The following UMOD variants were observed in gnomAD, a reference collection of about 807,000 sequenced individuals.
UMOD encodes uromodulin, also known as Tamm-Horsfall urinary glycoprotein.
A neutral mutation model predicts 66.0 loss-of-function variants in UMOD; 64 were observed. The observed-to-expected ratio is 0.97, with a 90% CI of 0.79 to 1.19. The LOEUF (loss-of-function observed/expected upper bound fraction) is 1.19, where lower values mean the gene tolerates loss of function less well. UMOD is among the 50% of genes most tolerant of loss of function. The probability of loss-of-function intolerance (pLI) is 0.00; values close to 1 mark genes in which losing one functional copy is unlikely to be tolerated. For missense variants in UMOD, 764 were observed against 850.9 expected, an observed-to-expected ratio of 0.90 and a Z score of 1.27; for synonymous variants, 398 against 352.7, an observed-to-expected ratio of 1.13 and a Z score of -1.44.
At chr16:20,344,195 A>AGGGGAGGGGGGGGGGG in intron 5 of UMOD, 23 bp from the exon 6 acceptor site, 6 of 562,478 alleles carry the variant, frequency 1.1e-5, no homozygotes, top group Non-Finnish European at 1.4e-5. Flanking sequence ...ATGGGGGTGG[A>AGGGGAGGGGGGGGGGG]GGGGGGGTGG....
Position 20,337,395 on chromosome 16 carries a change from C to T in UMOD, c.1636G>A (p.Gly546Ser), listed in dbSNP as rs768984023. The T allele has an allele frequency of 1.7e-5, 27 of 1,614,034 alleles. No homozygotes were observed. Among genetic ancestry groups the T allele is most frequent in the East Asian group, 2.2e-5 (1 of 44,884 alleles). ...CGGAACATCTGGACGGAAAATCGGC[C>T]CTGGGAGGACTCCCCATTCTCCACC... is the stretch of plus-strand genomic sequence containing the variant. Reference protein sequence around the residue: ...QVVENGESSQGRFSVQMFRFA... With the variant: ...QVVENGESSQSRFSVQMFRFA... The change falls in exon 8 of 11, where the codon GGC (glycine) becomes AGC (serine). Residue 546 changes from glycine to serine, a missense_variant. By Grantham distance (56) the Gly-to-Ser change is moderately conservative. Transcript: ENST00000396138.
chr16:20,349,270 A>G lies in UMOD; in HGVS notation c.89-58T>C, dbSNP rs562131373. 6.4e-6 allele frequency: 10 copies of G among 1,567,288 alleles called. No homozygotes were observed. The South Asian group carries it at 6.9e-5, about 11-fold the overall frequency. ...GGCAGCTGGGCCCATGGCCACCCAG[A>G]GATCCTTCCCTCATTCTCCAGGGAA... On this transcript the variant is annotated intron_variant, in intron 2 of 10. Transcript: ENST00000396138.
At chr16:20,349,772 TC>T (rs1469951512) in intron 2 of UMOD, 1 of 1,307,152 alleles carries the variant, frequency 7.7e-7, no homozygotes, top group East Asian at 2.5e-5. Context: ...GTTTTCTGCT[TC>T]CCTGGCTGGT....
chr16:20,355,587 GT>G (rs11342813), upstream of UMOD, among the ~76,000 whole-genome samples: 15,001 of 150,980 alleles, frequency 0.099, 1,716 homozygotes, highest in African/African-American at 0.28. Flanking sequence ...GCTAATTTGT[GT>G]TTTTTTTGTA....
In UMOD at chr16:20,346,868, T is replaced by TA. The variant is rs913473095; in HGVS notation, c.974-535dup. Among the ~76,000 whole-genome samples, 9 of 135,402 alleles carry TA rather than the reference T, an allele frequency of 6.6e-5. No homozygotes were observed. In the East Asian group the frequency reaches 1.9e-3, roughly 28 times the overall value. The allele number at this position is 135,402 out of a possible 152,430, so 88.8% of individuals were successfully genotyped here. Reference sequence around the variant, plus strand: ...ATGTACCCTAGAACGTGAAGTATAATAAAAAAAAGAAAGAGAGAAAGAAAG... The same window carrying TA: ...ATGTACCCTAGAACGTGAAGTATAATAAAAAAAAAGAAAGAGAGAAAGAAAG... On this transcript the variant is annotated intron_variant, in intron 4 of 10. Coordinates refer to ENST00000396138, the MANE Select transcript of UMOD (RefSeq NM_003361.4).
chr16:20,354,984 G>A (rs1379579652), upstream of UMOD, among the ~76,000 whole-genome samples: 9 of 152,142 alleles, frequency 5.9e-5, no homozygotes, highest in Non-Finnish European at 1.3e-4. Context: ...AACTCCTATG[G>A]CCCAGAGGTC....
chr16:20,350,475 A>T (rs184796386), intron 2 of UMOD, among the ~76,000 whole-genome samples, 175 bp downstream of exon 2: 30 of 152,336 alleles, frequency 2.0e-4, no homozygotes, highest in Non-Finnish European at 2.9e-4. Context: ...AAAATTTCTA[A>T]GTCAGTCCTG....
chr16:20,336,630 C>A lies in UMOD; in HGVS notation c.1822+16G>T, dbSNP rs540738762. ...TTTCCCAGCCAGGAATGTTGAGGAGCGAGTGGCTCTCTTACCTTTCCGTGT... is the reference window on the plus strand; with the variant it reads ...TTTCCCAGCCAGGAATGTTGAGGAGAGAGTGGCTCTCTTACCTTTCCGTGT... On this transcript the variant is annotated intron_variant, in intron 9 of 10. Transcript: ENST00000396138. 1.9e-4 allele frequency: 308 copies of A among 1,611,516 alleles called. 2 individuals are homozygous for A. In the South Asian group the frequency reaches 3.2e-3, roughly 17 times the overall value.
At chr16:20,335,612 C>T (rs568392693) in intron 9 of UMOD, 92 bp from the exon 10 acceptor site, 19 of 1,294,554 alleles carry the variant, frequency 1.5e-5, no homozygotes, top group Admixed American at 1.2e-4. Flanking sequence ...CTTTTCACTT[C>T]GCAGCCAGAC....
intron 4 of UMOD, among the ~76,000 whole-genome samples, 179 bp downstream of exon 4, chr16:20,348,044 C>G (rs1309447155): frequency 6.6e-6 from 1 of 152,216 alleles, no homozygotes; most frequent in Non-Finnish European, 1.5e-5. Context: ...ACTCAGGGAG[C>G]CTCAGAGAGC....
At chr16:20,356,024 G>C (rs1966024495), upstream of UMOD, among the ~76,000 whole-genome samples, 1 of 152,164 alleles carries the variant, frequency 6.6e-6, no homozygotes, top group Admixed American at 6.5e-5. Flanking sequence ...AAGGATAAGT[G>C]GTTTTAGGTA....
At position 20,337,388 on chromosome 16, in the gene UMOD, A is replaced by T; in HGVS notation, c.1643T>A (p.Phe548Tyr). Residue 548 changes from phenylalanine (F) to tyrosine (Y), a missense_variant, in exon 8 of 11, where the codon TTT (phenylalanine) becomes TAT (tyrosine). Coordinates refer to ENST00000396138, the MANE Select transcript of UMOD (RefSeq NM_003361.4). ...AGCAAACCGGAACATCTGGACGGAA[A>T]ATCGGCCCTGGGAGGACTCCCCATT... ...VENGESSQGR[F>Y]SVQMFRFAGN... The T allele has an allele frequency of 6.2e-7, 1 of 1,614,206 alleles. No homozygotes were observed. Among genetic ancestry groups the T allele is most frequent in the Non-Finnish European group, 8.5e-7 (1 of 1,180,034 alleles).
chr16:20,350,781 C>T lies in UMOD; in HGVS notation c.-44G>A. 2 of 1,613,630 alleles carry T rather than the reference C, an allele frequency of 1.2e-6. No individual in the cohort carries two copies. Among genetic ancestry groups the T allele is most frequent in the Non-Finnish European group, 1.7e-6 (2 of 1,179,774 alleles). ...TACTTCAGGTCTAGATAGCACCTGC[C>T]CAAAGGAAAGACGGGTTGGCCCTTT... On this transcript the variant is annotated 5_prime_UTR_variant, in exon 2 of 11. Coordinates refer to ENST00000396138, the MANE Select transcript of UMOD (RefSeq NM_003361.4).
chr16:20,349,681 G>C (rs940860721), intron 2 of UMOD: 22 of 1,453,720 alleles, frequency 1.5e-5, no homozygotes, highest in Non-Finnish European at 1.8e-5. Context: ...GCCACATTCA[G>C]AAAAGTAATG....
Position 20,334,946 on chromosome 16 carries a change from C to T in UMOD, c.1861+536G>A, listed in dbSNP as rs562402359. ...CCCCGTGGTTCAAGCCATTCTCCTG[C>T]CTCAGCCTCCCAAGTAGCTGGGAGG... is the stretch of plus-strand genomic sequence containing the variant. On this transcript the variant is annotated intron_variant, in intron 10 of 10. Transcript: ENST00000396138. Among the ~76,000 whole-genome samples the T allele has an allele frequency of 6.8e-4, 104 of 151,830 alleles. 2 individuals are homozygous for T. Among genetic ancestry groups the T allele is most frequent in the South Asian group, 5.4e-3 (26 of 4,802 alleles).
intron 10 of UMOD, among the ~76,000 whole-genome samples, chr16:20,334,884 T>G (rs1236337419): frequency 1.3e-5 from 2 of 149,952 alleles, no homozygotes; most frequent in Admixed American, 6.7e-5. Context: ...CAGGCTGGAG[T>G]GCAGTGGCGT....
At chr16:20,341,920 C>T (rs1226177832) in intron 6 of UMOD, among the ~76,000 whole-genome samples, 4 of 152,176 alleles carry the variant, frequency 2.6e-5, no homozygotes, top group African/African-American at 9.7e-5. Context: ...ACTGGATGAT[C>T]CAACAAAGGA....
intron 10 of UMOD, 70 bp from the exon 11 acceptor site, chr16:20,333,445 C>G (rs1198173602): frequency 1.3e-5 from 19 of 1,435,232 alleles, no homozygotes; most frequent in Non-Finnish European, 1.8e-5. Context: ...CATAAGCTGC[C>G]TCGTCTAGGC....
chr16:20,338,766 T>G (rs1965020267), intron 7 of UMOD, among the ~76,000 whole-genome samples: 1 of 151,880 alleles, frequency 6.6e-6, no homozygotes, highest in Non-Finnish European at 1.5e-5. Context: ...ATGCTTTATT[T>G]TTATTTTCTT....
Sources: allele counts gnomAD v4.1 joint callset (sites outside exome capture counted in the v4.1 genomes callset), GRCh38; gene constraint gnomAD v4.1.1; transcripts MANE v1.5; gene names NCBI Gene and HGNC (gene_info 2026-07-23, HGNC 2026-07-21).